The following DSN1 variants were observed in gnomAD, a reference collection of about 807,000 sequenced individuals.
DSN1 encodes kinetochore-associated protein DSN1 homolog.
A neutral mutation model predicts 45.7 loss-of-function variants in DSN1; 31 were observed. The ratio of observed to expected loss-of-function variants is 0.68; its 90% CI spans 0.51 to 0.92. DSN1 has a LOEUF of 0.92. DSN1 is among the 40% of genes least tolerant of loss of function. The pLI, the probability that DSN1 is intolerant of heterozygous loss-of-function variation, is 0.00. For missense variants in DSN1, 394 were observed against 414.2 expected (o/e 0.95, Z 0.42); for synonymous variants, 134 against 142.3 (o/e 0.94, Z 0.41).
chr20:36,757,023 G>A lies in DSN1; in HGVS notation c.725+1064C>T, dbSNP rs183301390. Among the ~76,000 whole-genome samples, 260 of 152,208 alleles carry A rather than the reference G, an allele frequency of 1.7e-3. 1 individual carries two copies. The highest frequency in any genetic ancestry group is 2.7e-3 in the Non-Finnish European group (181 of 68,016). On this transcript the variant is annotated intron_variant, in intron 8 of 10. Transcript: ENST00000373750. The stretch of plus-strand genomic sequence containing the variant: ...CTAGCTGATTCTATCTCAAAAAAAA[G>A]CTTAAAACCATGGTTTAAATGTTCA...
At chr20:36,757,803 C>G (rs1385296431) in intron 8 of DSN1, among the ~76,000 whole-genome samples, 1 of 152,166 alleles carries the variant, frequency 6.6e-6, no homozygotes, top group Non-Finnish European at 1.5e-5. Flanking sequence ...CTGCCAGATA[C>G]AATGCAGAGA....
At chr20:36,756,029 A>C (rs1247923248) in intron 8 of DSN1, among the ~76,000 whole-genome samples, 200 bp from the exon 9 acceptor site, 1 of 151,700 alleles carries the variant, frequency 6.6e-6, no homozygotes, top group Non-Finnish European at 1.5e-5. Context: ...GATGGAGTGC[A>C]GTGGTGCGGT....
At position 36,769,050 on chromosome 20, in the gene DSN1, C is replaced by A. The variant is rs1987501153; in HGVS notation, c.356-1008G>T. 3.3e-5 allele frequency among the ~76,000 whole-genome samples: 5 copies of A among 152,148 alleles called. No individual in the cohort carries two copies. The South Asian group carries it at 1.0e-3, about 32-fold the overall frequency. On this transcript the variant is annotated intron_variant, in intron 3 of 10. Coordinates refer to ENST00000373750, the MANE Select transcript of DSN1 (RefSeq NM_001145315.2). ...ATTCCATTCAGATAACAGATAATGA[C>A]ACAGGCACAAAGTAATAGGTCACTT...
intron 3 of DSN1, among the ~76,000 whole-genome samples, chr20:36,769,694 C>T (rs1359645454): frequency 1.3e-5 from 2 of 151,970 alleles, no homozygotes; most frequent in East Asian, 1.9e-4. Flanking sequence ...TATTTCATCT[C>T]CAAGTTGCTG....
At chr20:36,771,734 A>C (rs551128917) in intron 1 of DSN1, among the ~76,000 whole-genome samples, 1 of 152,344 alleles carries the variant, frequency 6.6e-6, no homozygotes, top group East Asian at 1.9e-4. Flanking sequence ...ACTAGTCCCT[A>C]ATTCCATTGA....
Position 36,754,746 on chromosome 20 carries a change from TCAAGAGA to T in DSN1, c.961+10_961+16del, listed in dbSNP as rs773111948. ...GAAAACAGCCTGAACTCTGGTCCCC[TCAAGAGA>T]CAAGCTTACCGAGCTGTACTGACAC... On this transcript the variant is annotated intron_variant, in intron 10 of 10. Transcript: ENST00000373750. 14 of 1,611,936 alleles carry T rather than the reference TCAAGAGA, an allele frequency of 8.7e-6. No homozygotes were observed. Among genetic ancestry groups the T allele is most frequent in the Non-Finnish European group, 1.2e-5 (14 of 1,178,340 alleles).
At chr20:36,765,384 C>T (rs1046816526) in intron 5 of DSN1, among the ~76,000 whole-genome samples, 2 of 151,736 alleles carry the variant, frequency 1.3e-5, no homozygotes, top group African/African-American at 4.8e-5. Flanking sequence ...GGAGAAACCC[C>T]GTCTCTACTA....
intron 6 of DSN1, among the ~76,000 whole-genome samples, chr20:36,759,046 A>G (rs1333408015): frequency 1.3e-5 from 2 of 151,974 alleles, no homozygotes; most frequent in African/African-American, 4.8e-5. Flanking sequence ...ACAGTGGCAT[A>G]ATCTCGGCTT....
intron 9 of DSN1, among the ~76,000 whole-genome samples, chr20:36,755,088 G>A (rs888855277): frequency 2.6e-5 from 4 of 152,198 alleles, no homozygotes; most frequent in African/African-American, 9.6e-5. Flanking sequence ...TAAGTGGGAA[G>A]GAGCTGAACG....
chr20:36,770,870 C>G lies in DSN1; in HGVS notation c.355+3G>C. Reference sequence around the variant, plus strand: ...TCACTGTCTTGTGTACACAGCACCCCACCTGTGATGCCCTGGTGAATGGGA... The same window carrying G: ...TCACTGTCTTGTGTACACAGCACCCGACCTGTGATGCCCTGGTGAATGGGA... On this transcript the variant is annotated splice_donor_region_variant and intron_variant, in intron 3 of 10. Coordinates refer to ENST00000373750, the MANE Select transcript of DSN1 (RefSeq NM_001145315.2). The G allele has an allele frequency of 6.2e-7, 1 of 1,605,810 alleles. No homozygotes were observed. The highest frequency in any genetic ancestry group is 8.5e-7 in the Non-Finnish European group (1 of 1,177,476).
intron 3 of DSN1, among the ~76,000 whole-genome samples, chr20:36,769,278 T>C (rs986890992): frequency 6.6e-6 from 1 of 152,250 alleles, no homozygotes; most frequent in African/African-American, 2.4e-5. Context: ...CTTCAGCTGG[T>C]TGTGTTTTTA....
At position 36,752,597 on chromosome 20, in the gene DSN1, A is replaced by G. The variant is rs1290213950; in HGVS notation, c.*191T>C. 1 of 467,010 alleles carries G rather than the reference A, an allele frequency of 2.1e-6. No homozygotes were observed. Among genetic ancestry groups the G allele is most frequent in the African/African-American group, 2.0e-5 (1 of 49,800 alleles). 28.9% of individuals were successfully genotyped at this position (467,010 alleles called of 1,614,324 possible). A position where few individuals can be genotyped will look rare whatever the true frequency, so the allele number is the denominator to read the frequency against. On this transcript the variant is annotated 3_prime_UTR_variant, in exon 11 of 11. Coordinates refer to ENST00000373750, the MANE Select transcript of DSN1 (RefSeq NM_001145315.2). Reference sequence around the variant, plus strand: ...TTCAAGCATTTTGCACATTCCTGGGAAAATTGTCTATACAATATTCATTTG... The same window carrying G: ...TTCAAGCATTTTGCACATTCCTGGGGAAATTGTCTATACAATATTCATTTG...
chr20:36,773,346 T>C (rs7345670), intron 1 of DSN1: 1 of 982,860 alleles, frequency 1.0e-6, no homozygotes, highest in Non-Finnish European at 1.2e-6. Context: ...ACAGCCAGCC[T>C]GGGGGCACAG....
chr20:36,768,222 C>T (rs554922713), intron 3 of DSN1, among the ~76,000 whole-genome samples, 180 bp from the exon 4 acceptor site: 35 of 151,878 alleles, frequency 2.3e-4, no homozygotes, highest in African/African-American at 6.8e-4. Flanking sequence ...CCCATTTGTT[C>T]ATCTAAACTT....
intron 10 of DSN1, among the ~76,000 whole-genome samples, chr20:36,753,893 C>T (rs1040148789): frequency 6.6e-6 from 1 of 151,728 alleles, no homozygotes; most frequent in Non-Finnish European, 1.5e-5. Flanking sequence ...GTAATCCCAG[C>T]TACTCGGGAG....
chr20:36,757,794 T>C (rs1986756404), intron 8 of DSN1, among the ~76,000 whole-genome samples: 1 of 152,208 alleles, frequency 6.6e-6, no homozygotes, highest in African/African-American at 2.4e-5. Flanking sequence ...AACCCCAGGC[T>C]GCCAGATACA....
intron 5 of DSN1, among the ~76,000 whole-genome samples, chr20:36,764,670 C>G (rs888327066): frequency 3.3e-5 from 5 of 152,164 alleles, no homozygotes; most frequent in African/African-American, 1.2e-4. Context: ...CCTATAATCC[C>G]AACACTTTGG....
At chr20:36,766,935 C>A (rs1312382695) in intron 4 of DSN1, 94 bp from the exon 5 acceptor site, 4 of 727,166 alleles carry the variant, frequency 5.5e-6, no homozygotes, top group Non-Finnish European at 6.7e-6. Flanking sequence ...AAATATGAAA[C>A]TAAATACTAA....
At position 36,762,407 on chromosome 20, in the gene DSN1, G is replaced by C. The variant is rs925712472; in HGVS notation, c.590+54C>G. 9.1e-6 allele frequency: 14 copies of C among 1,539,794 alleles called. No homozygotes were observed. The Admixed American group carries it at 2.3e-4, about 26-fold the overall frequency. On this transcript the variant is annotated intron_variant, in intron 6 of 10. Transcript: ENST00000373750. ...TTACAGGCCTGAGCCACCAACGCCC[G>C]GCCTAAAGTCCTAATTCAATCATAA... is the stretch of plus-strand genomic sequence containing the variant.
Sources: allele counts gnomAD v4.1 joint callset (sites outside exome capture counted in the v4.1 genomes callset), GRCh38; gene constraint gnomAD v4.1.1; transcripts MANE v1.5; gene names NCBI Gene and HGNC (gene_info 2026-07-23, HGNC 2026-07-21).